STARD13: variants seen among roughly 807,000 people sequenced by gnomAD.
STARD13 encodes the protein stAR-related lipid transfer protein 13.
Under a neutral mutation model 106.4 loss-of-function variants are expected in STARD13, and 62 were observed. That is an observed-to-expected ratio of 0.58 (90% CI 0.48 to 0.72). The LOEUF is 0.72. STARD13 is among the 30% of genes least tolerant of loss of function. The pLI is 0.00. For missense variants in STARD13, 1,387 were observed against 1,424.0 expected (o/e 0.97, Z 0.42); for synonymous variants, 565 against 553.0 (o/e 1.02, Z -0.31).
At chr13:33,557,099 G>A in the STARD13 span, among the ~76,000 whole-genome samples, 6 of 152,168 alleles carry the variant, frequency 3.9e-5, no homozygotes, top group Non-Finnish European at 8.8e-5. Context: ...AAATTCACAA[G>A]AGATAAGAAG....
chr13:33,161,894 C>T (rs1882672670), intron 3 of STARD13, among the ~76,000 whole-genome samples: 1 of 152,082 alleles, frequency 6.6e-6, no homozygotes, highest in Non-Finnish European at 1.5e-5. Context: ...GATGCAAAAG[C>T]GGAAACCCCT....
chr13:33,498,531 A>G, the STARD13 span, among the ~76,000 whole-genome samples: 3 of 152,240 alleles, frequency 2.0e-5, no homozygotes, highest in African/African-American at 7.2e-5. Context: ...CTTTGGGTAG[A>G]AAAGATAATC....
At chr13:33,303,524 G>A (rs1892796468) in intron 1 of STARD13, among the ~76,000 whole-genome samples, 1 of 152,098 alleles carries the variant, frequency 6.6e-6, no homozygotes, top group Non-Finnish European at 1.5e-5. Context: ...CATATGGTAG[G>A]GCTCAGTAAA....
At chr13:33,662,457 A>G in the STARD13 span, among the ~76,000 whole-genome samples, 1 of 152,182 alleles carries the variant, frequency 6.6e-6, no homozygotes, top group Non-Finnish European at 1.5e-5. Flanking sequence ...TGGATATGTT[A>G]CCACTCCTTT....
Position 33,350,290 on chromosome 13 carries a change from C to A in STARD13, c.124G>T (p.Gly42Ter). Residue 42 changes from glycine to a stop codon, truncating the protein, a stop_gained and splice_region_variant, in exon 1 of 2, where the codon GGA (glycine) becomes TGA (stop). Coordinates refer to the STARD13 transcript ENST00000439831. LOFTEE classifies it low-confidence loss of function (END_TRUNC). ...GTCGCGGCGTCTCCGGGGCACTGAC[C>A]TGCCAGCCGCCTCTCCCGGACGTTC... is the stretch of plus-strand genomic sequence containing the variant. The A allele has an allele frequency of 2.0e-6, 3 of 1,531,184 alleles. No individual in the cohort carries two copies. Among genetic ancestry groups the A allele is most frequent in the Non-Finnish European group, 2.6e-6 (3 of 1,144,724 alleles). The allele number at this position is 1,531,184 out of a possible 1,614,324, so 94.8% of individuals were successfully genotyped here.
At chr13:33,371,967 G>T in the STARD13 span, among the ~76,000 whole-genome samples, 817 of 152,156 alleles carry the variant, frequency 5.4e-3, 9 homozygotes, top group African/African-American at 0.019. Flanking sequence ...CCACATTTTC[G>T]ACTTACCAAG....
chr13:33,660,582 T>C, the STARD13 span, among the ~76,000 whole-genome samples: 4 of 152,226 alleles, frequency 2.6e-5, no homozygotes, highest in East Asian at 7.7e-4. Flanking sequence ...ATTTGTACTG[T>C]GGGTTTGTTT....
the STARD13 span, chr13:33,383,668 A>G: frequency 6.7e-6 from 1 of 149,664 alleles, no homozygotes; most frequent in Non-Finnish European, 1.5e-5. Flanking sequence ...GAGGCAGAAG[A>G]ATTGCTTGAA....
rs548077427 is a variant in STARD13 at position 33,311,734 on chromosome 13, A to T, written c.124+38556T>A. Among the ~76,000 whole-genome samples the T allele has an allele frequency of 4.6e-5, 7 of 152,342 alleles. No homozygotes were observed. The East Asian group carries it at 1.3e-3, about 29-fold the overall frequency. On this transcript the variant is annotated intron_variant, in intron 1 of 5. Coordinates refer to the STARD13 transcript ENST00000567873. ...GCTCCTTTTTGGTTCTGGGATACAG[A>T]GATGAAAGCACAAAGGCTGAGACAT...
At position 33,127,627 on chromosome 13, in the gene STARD13, G is replaced by A. The variant is rs183397205; in HGVS notation, c.1749-81C>T. On this transcript the variant is annotated intron_variant, in intron 5 of 13. Transcript: ENST00000336934. ...AACACGGGACATCACCAAGGTACAC[G>A]CAGCTAATCAAGATAGCAGCCGAGC... 7.4e-4 allele frequency: 1,023 copies of A among 1,376,984 alleles called. 3 individuals carry two copies. The Middle Eastern group carries it at 0.015, about 20-fold the overall frequency. The allele number at this position is 1,376,984 out of a possible 1,614,324, so 85.3% of individuals were successfully genotyped here. A position where few individuals can be genotyped will look rare whatever the true frequency, so the allele number is the denominator to read the frequency against.
the STARD13 span, among the ~76,000 whole-genome samples, chr13:33,435,972 A>G: frequency 6.6e-6 from 1 of 152,132 alleles, no homozygotes; most frequent in East Asian, 1.9e-4. Flanking sequence ...AGTACTTTTG[A>G]TTTCCTACAT....
chr13:33,441,755 C>T, the STARD13 span, among the ~76,000 whole-genome samples: 1 of 152,194 alleles, frequency 6.6e-6, no homozygotes, highest in Non-Finnish European at 1.5e-5. Flanking sequence ...ACAGTTCCTT[C>T]CCATCCCATT....
the STARD13 span, among the ~76,000 whole-genome samples, chr13:33,496,286 C>A: frequency 0.041 from 6,034 of 148,766 alleles, 381 homozygotes; most frequent in African/African-American, 0.14. Context: ...GAATTATAAA[C>A]TTTATTCTTT....
intron 4 of STARD13, among the ~76,000 whole-genome samples, chr13:33,134,840 G>A (rs1374677619): frequency 6.6e-6 from 1 of 152,186 alleles, no homozygotes; most frequent in Admixed American, 6.5e-5. Flanking sequence ...TCAATTACAG[G>A]ATCTTCAGGA....
At chr13:33,117,875 T>C in intron 8 of STARD13, 190 bp downstream of exon 8, 1 of 985,328 alleles carries the variant, frequency 1.0e-6, no homozygotes, top group Non-Finnish European at 1.2e-6. Flanking sequence ...TTCAAATGCA[T>C]AAAAAAATGG....
intron 13 of STARD13, 67 bp from the exon 14 acceptor site, chr13:33,105,777 T>C: frequency 7.4e-7 from 1 of 1,349,530 alleles, no homozygotes; most frequent in South Asian, 1.2e-5. Flanking sequence ...TTAGTTTTGG[T>C]GGACAGGGCT....
At chr13:33,207,884 A>G (rs1887506031) in intron 1 of STARD13, among the ~76,000 whole-genome samples, 2 of 152,170 alleles carry the variant, frequency 1.3e-5, no homozygotes, top group African/African-American at 4.8e-5. Flanking sequence ...CACAAAAGGC[A>G]GATTATAGGG....
chr13:33,139,748 A>ATT (rs34920267), intron 4 of STARD13, among the ~76,000 whole-genome samples: 49,021 of 150,532 alleles, frequency 0.33, 8,882 homozygotes, highest in Non-Finnish European at 0.42. Context: ...GCTCCTATTC[A>ATT]TTTTTTTTTC....
Position 33,264,589 on chromosome 13 carries a change from A to G in STARD13, c.169+20881T>C, listed in dbSNP as rs1242145990. Among the ~76,000 whole-genome samples, 8 of 152,298 alleles carry G rather than the reference A, an allele frequency of 5.3e-5. No individual in the cohort carries two copies. The South Asian group carries it at 1.7e-3, about 32-fold the overall frequency. On this transcript the variant is annotated intron_variant, in intron 1 of 13. Coordinates refer to ENST00000336934, the MANE Select transcript of STARD13 (RefSeq NM_178006.4). ...CCTCTTCCATGCCACCCATGAACAG[A>G]ATGGCTTGATCAGCAGGAAAGAGAG...
Sources: allele counts gnomAD v4.1 joint callset (sites outside exome capture counted in the v4.1 genomes callset), GRCh38; gene constraint gnomAD v4.1.1; transcripts MANE v1.5; gene names NCBI Gene and HGNC (gene_info 2026-07-23, HGNC 2026-07-21).